Variants in FOXN3 observed in about 807,000 individuals in gnomAD.
The protein encoded by FOXN3 is forkhead box protein N3.
In FOXN3, 7 loss-of-function variants were observed where a neutral mutation model predicts 38.4. The ratio of observed to expected loss-of-function variants is 0.18; its 90% CI spans 0.10 to 0.34. FOXN3 has a LOEUF of 0.34. Among genes scored for constraint, FOXN3 ranks in the 10% least tolerant of loss-of-function variants. The probability of loss-of-function intolerance (pLI) is 1.00; values close to 1 mark genes in which losing one functional copy is unlikely to be tolerated. For synonymous variants in FOXN3, 230 were observed against 242.2 expected, an observed-to-expected ratio of 0.95 and a Z score of 0.47; for missense variants, 456 against 613.4, an observed-to-expected ratio of 0.74 and a Z score of 2.71.
intron 4 of FOXN3, among the ~76,000 whole-genome samples, chr14:89,244,927 G>A (rs547142377): frequency 1.5e-4 from 23 of 152,236 alleles, no homozygotes; most frequent in Non-Finnish European, 2.6e-4. Context: ...AGCACTGTTC[G>A]ATATGCTGGG....
intron 3 of FOXN3, among the ~76,000 whole-genome samples, chr14:89,318,166 T>TTC (rs1486124198): frequency 6.7e-6 from 1 of 148,760 alleles, no homozygotes; most frequent in Non-Finnish European, 1.5e-5. Context: ...TCTTCTCTTT[T>TTC]TTTTTTTTTG....
intron 1 of FOXN3, among the ~76,000 whole-genome samples, chr14:89,433,309 C>T (rs1219441461): frequency 6.6e-6 from 1 of 152,126 alleles, no homozygotes; most frequent in African/African-American, 2.4e-5. Context: ...TGGTGAAACC[C>T]CATCTCTACT....
At position 89,508,229 on chromosome 14, in the gene FOXN3, T is replaced by G. The variant is rs183965232; in HGVS notation, c.-14-95739A>C. Among the ~76,000 whole-genome samples, 514 of 152,294 alleles carry G rather than the reference T, an allele frequency of 3.4e-3. 1 individual carries two copies. Among genetic ancestry groups the G allele is most frequent in the African/African-American group, 0.011 (473 of 41,566 alleles). ...GGGACCTGGCAATAAATGATGGGAA[T>G]TTGGCCTATAGGTGAATCACCAGGC... On this transcript the variant is annotated intron_variant, in intron 1 of 6. Coordinates refer to the FOXN3 transcript ENST00000345097.
intron 3 of FOXN3, among the ~76,000 whole-genome samples, chr14:89,287,613 G>A (rs1169020932): frequency 1.0e-4 from 4 of 39,796 alleles, no homozygotes; most frequent in Admixed American, 3.3e-4. Flanking sequence ...TGACAGATGA[G>A]GTAACTGCAC....
chr14:89,207,998 T>C (rs1442542839), intron 4 of FOXN3, among the ~76,000 whole-genome samples: 1 of 151,842 alleles, frequency 6.6e-6, no homozygotes, highest in African/African-American at 2.4e-5. Context: ...CTGGTTGGGG[T>C]TGGGGGAGTC....
intron 1 of FOXN3, among the ~76,000 whole-genome samples, chr14:89,597,007 TA>T (rs991939853): frequency 1.3e-5 from 2 of 151,944 alleles, no homozygotes; most frequent in Admixed American, 6.6e-5. Context: ...TTCAACACTG[TA>T]AAAAAAATTT....
At chr14:89,385,778 G>C (rs1890775922) in intron 2 of FOXN3, among the ~76,000 whole-genome samples, 1 of 152,230 alleles carries the variant, frequency 6.6e-6, no homozygotes, top group Non-Finnish European at 1.5e-5. Flanking sequence ...TTGCATTCCA[G>C]CCTGGGCAAC....
At chr14:89,541,969 C>T (rs763196644) in intron 1 of FOXN3, among the ~76,000 whole-genome samples, 4 of 152,002 alleles carry the variant, frequency 2.6e-5, no homozygotes, top group East Asian at 1.9e-4. Context: ...AAAGGGGTCC[C>T]GATCCAGACC....
intron 4 of FOXN3, among the ~76,000 whole-genome samples, chr14:89,201,704 T>C (rs1376181333): frequency 6.6e-6 from 1 of 152,224 alleles, no homozygotes; most frequent in African/African-American, 2.4e-5. Context: ...GAGTCTGTTT[T>C]TCCCCCTCTC....
intron 1 of FOXN3, among the ~76,000 whole-genome samples, chr14:89,490,444 T>G (rs1306924524): frequency 3.3e-5 from 5 of 152,206 alleles, no homozygotes; most frequent in African/African-American, 1.2e-4. Flanking sequence ...CAAGAAGGCC[T>G]GGTAGACAGG....
chr14:89,327,026 T>C lies in FOXN3; in HGVS notation c.680+23646A>G, dbSNP rs547713369. ...AACCCAGCTGTGGGGTCTTTGCTGG[T>C]GATTAGATGCAATCATTGGCTCCAA... On this transcript the variant is annotated intron_variant, in intron 3 of 5. Transcript: ENST00000557258. Among the ~76,000 whole-genome samples the C allele has an allele frequency of 4.6e-5, 7 of 152,246 alleles. No homozygotes were observed. The South Asian group carries it at 8.3e-4, about 18-fold the overall frequency.
At chr14:89,423,767 A>G (rs1477625586) in intron 1 of FOXN3, among the ~76,000 whole-genome samples, 1 of 152,252 alleles carries the variant, frequency 6.6e-6, no homozygotes, top group African/African-American at 2.4e-5. Flanking sequence ...ATGTTGGTTG[A>G]AGGCACTGGT....
intron 1 of FOXN3, among the ~76,000 whole-genome samples, chr14:89,559,769 A>G (rs2139877073): frequency 6.6e-6 from 1 of 152,308 alleles, no homozygotes; most frequent in Non-Finnish European, 1.5e-5. Context: ...CTGAACACTG[A>G]GTGGAGGGTG....
rs528112849 is a variant in FOXN3 at position 89,498,924 on chromosome 14, G to A, written c.-14-86434C>T. Among the ~76,000 whole-genome samples, 12 of 152,264 alleles carry A rather than the reference G, an allele frequency of 7.9e-5. No individual in the cohort carries two copies. The South Asian group carries it at 1.9e-3, about 24-fold the overall frequency. On this transcript the variant is annotated intron_variant, in intron 1 of 6. Coordinates refer to the FOXN3 transcript ENST00000345097. ...AAGCTTTTCAAAATGGATTGTATAT[G>A]AAAACAACGAATTGGGCAAAGTCTG...
chr14:89,402,913 G>A (rs1289570177), intron 2 of FOXN3, among the ~76,000 whole-genome samples: 1 of 152,176 alleles, frequency 6.6e-6, no homozygotes, highest in Non-Finnish European at 1.5e-5. Context: ...CATCCTTGGA[G>A]GTCTAATGCT....
At position 89,412,342 on chromosome 14, in the gene FOXN3, C is replaced by A; in HGVS notation, c.135G>T (p.Leu45=). 2.5e-6 allele frequency: 4 copies of A among 1,614,110 alleles called. No homozygotes were observed. Among genetic ancestry groups the A allele is most frequent in the Non-Finnish European group, 3.4e-6 (4 of 1,180,018 alleles). ...CCCCCTCTTCTAATCGGATGTCAGG[C>A]AGAGAAAAGTCGAGGTCATCGTCTT... ...LQEDDDLDFS[L]PDIRLEEGAM... Residue 45 remains leucine (L), a synonymous_variant, in exon 2 of 6, where the codon CTG becomes CTT. Transcript: ENST00000557258. The surrounding 1 kb of genome is among the most constrained non-coding windows in gnomAD (Gnocchi z 4.7).
intron 4 of FOXN3, among the ~76,000 whole-genome samples, chr14:89,250,960 G>C (rs1411929273): frequency 6.6e-6 from 1 of 152,178 alleles, no homozygotes; most frequent in Non-Finnish European, 1.5e-5. Flanking sequence ...GTGGAACTGT[G>C]AGTCCATTAA....
At chr14:89,298,397 A>T (rs1887110973) in intron 3 of FOXN3, among the ~76,000 whole-genome samples, 1 of 150,192 alleles carries the variant, frequency 6.7e-6, no homozygotes, top group Non-Finnish European at 1.5e-5. Flanking sequence ...AATGCCACTG[A>T]ACTGTAAACT....
chr14:89,253,427 T>A (rs1467342991), intron 4 of FOXN3, among the ~76,000 whole-genome samples: 1 of 152,076 alleles, frequency 6.6e-6, no homozygotes. Flanking sequence ...GCGTGATCCA[T>A]CCTGTTTGCC....
Sources: allele counts gnomAD v4.1 joint callset (sites outside exome capture counted in the v4.1 genomes callset), GRCh38; gene constraint gnomAD v4.1.1; non-coding constraint Gnocchi (gnomAD v3.1); transcripts MANE v1.5; gene names NCBI Gene and HGNC (gene_info 2026-07-23, HGNC 2026-07-21).